SLCO1B1: variants seen among roughly 807,000 people sequenced by gnomAD.
SLCO1B1 encodes the protein solute carrier organic anion transporter family member 1B1.
SLCO1B1 carries 81 observed loss-of-function variants against 70.1 expected under a neutral mutation model. The ratio of observed to expected loss-of-function variants is 1.16; its 90% CI spans 0.97 to 1.39. The LOEUF (loss-of-function observed/expected upper bound fraction) is 1.39. Among genes scored for constraint, SLCO1B1 ranks in the 40% most tolerant of loss-of-function variants. SLCO1B1 has a pLI of 0.00. For synonymous variants in SLCO1B1, 283 were observed against 271.5 expected, an observed-to-expected ratio of 1.04 and a Z score of -0.42; for missense variants, 895 against 799.6, an observed-to-expected ratio of 1.12 and a Z score of -1.44.
intron 12 of SLCO1B1, among the ~76,000 whole-genome samples, chr12:21,217,768 A>T (rs950285404): frequency 1.3e-5 from 2 of 152,204 alleles, no homozygotes; most frequent in African/African-American, 4.8e-5. Context: ...GACTTTTATA[A>T]TACCCTTGTA....
chr12:21,188,533 G>C (rs1446310514), intron 7 of SLCO1B1, among the ~76,000 whole-genome samples: 1 of 152,164 alleles, frequency 6.6e-6, no homozygotes, highest in African/African-American at 2.4e-5. Flanking sequence ...CCAAAGTCAT[G>C]TAGAATTGTA....
intron 2 of SLCO1B1, among the ~76,000 whole-genome samples, chr12:21,151,568 T>C (rs1373061863): frequency 6.6e-6 from 1 of 152,164 alleles, no homozygotes; most frequent in Non-Finnish European, 1.5e-5. Flanking sequence ...AAAGTAATAA[T>C]TTATATTTTA....
At chr12:21,212,828 T>C (rs1157254599) in intron 11 of SLCO1B1, among the ~76,000 whole-genome samples, 1 of 151,548 alleles carries the variant, frequency 6.6e-6, no homozygotes, top group African/African-American at 2.4e-5. Context: ...ATGGCCTTCT[T>C]TGTCTCTTTT....
intron 1 of SLCO1B1, 113 bp from the exon 2 acceptor site, chr12:21,141,401 C>T (rs1940305348): frequency 4.2e-6 from 2 of 480,180 alleles, no homozygotes; most frequent in Non-Finnish European, 7.6e-6. Context: ...ATAGTAGACC[C>T]TGAGTGAATG....
chr12:21,180,177 T>G (rs1661848105), intron 7 of SLCO1B1, among the ~76,000 whole-genome samples: 1 of 152,146 alleles, frequency 6.6e-6, no homozygotes, highest in African/African-American at 2.4e-5. Context: ...TCACCTTACC[T>G]CCAACCCCAC....
intron 14 of SLCO1B1, 63 bp downstream of exon 14, chr12:21,224,902 C>T (rs947489085): frequency 1.2e-6 from 1 of 818,544 alleles, no homozygotes; most frequent in Non-Finnish European, 2.0e-6. Flanking sequence ...TAAAAAATAT[C>T]ATTTTCATTA....
intron 14 of SLCO1B1, among the ~76,000 whole-genome samples, chr12:21,229,904 A>T (rs182605978): frequency 2.0e-5 from 3 of 152,264 alleles, no homozygotes; most frequent in Non-Finnish European, 2.9e-5. Context: ...ACCATGTTGA[A>T]AAACAGTGGT....
intron 8 of SLCO1B1, among the ~76,000 whole-genome samples, chr12:21,198,644 T>C (rs1213580926): frequency 6.6e-6 from 1 of 151,976 alleles, no homozygotes; most frequent in African/African-American, 2.4e-5. Context: ...TAAGAATATA[T>C]AGTCAGAAAA....
intron 2 of SLCO1B1, among the ~76,000 whole-genome samples, chr12:21,159,206 G>C (rs1297600233): frequency 6.6e-6 from 1 of 151,998 alleles, no homozygotes; most frequent in Non-Finnish European, 1.5e-5. Flanking sequence ...TCAATAGAGA[G>C]CCAAAACTGT....
chr12:21,210,544 G>A (rs1221020781), intron 11 of SLCO1B1, among the ~76,000 whole-genome samples: 5 of 135,770 alleles, frequency 3.7e-5, no homozygotes, highest in Admixed American at 7.3e-5. Context: ...TTGGCGATGT[G>A]GGCTCTTTTT....
chr12:21,231,758 G>GC (rs1941541652), intron 14 of SLCO1B1, among the ~76,000 whole-genome samples: 3 of 152,014 alleles, frequency 2.0e-5, no homozygotes, highest in East Asian at 3.9e-4. Context: ...ACGTATATGT[G>GC]TGTCTGTAAA....
Position 21,205,948 on chromosome 12 carries a change from A to C in SLCO1B1, c.1412A>C (p.Glu471Ala). 6.2e-7 allele frequency: 1 copy of C among 1,611,940 alleles called. No homozygotes were observed. Among genetic ancestry groups the C allele is most frequent in the Non-Finnish European group, 8.5e-7 (1 of 1,178,418 alleles). Residue 471 changes from glutamate to alanine, a missense_variant, in exon 11 of 15, where the codon GAA (glutamate) becomes GCA (alanine). By Grantham distance (107) the Glu-to-Ala change is moderately radical. Transcript: ENST00000256958. ...SDCNCDESQW[E>A]PVCGNNGITY... ...TGCAATTGTGATGAAAGTCAATGGG[A>C]ACCAGTCTGTGGAAACAATGGAATA... is the stretch of plus-strand genomic sequence containing the variant.
At chr12:21,142,809 T>C (rs1940330126) in intron 2 of SLCO1B1, among the ~76,000 whole-genome samples, 1 of 152,086 alleles carries the variant, frequency 6.6e-6, no homozygotes, top group Non-Finnish European at 1.5e-5. Flanking sequence ...GACATGTGCA[T>C]AGCAAAATGG....
At chr12:21,139,474 G>GT (rs1242723025) in intron 1 of SLCO1B1, among the ~76,000 whole-genome samples, 1 of 152,088 alleles carries the variant, frequency 6.6e-6, no homozygotes, top group Non-Finnish European at 1.5e-5. Flanking sequence ...TCACATATAT[G>GT]TAAGTGATAA....
intron 14 of SLCO1B1, among the ~76,000 whole-genome samples, chr12:21,230,323 C>CTTTTTTTTTTTTTTTTTTTT (rs745494878): frequency 1.4e-5 from 1 of 70,256 alleles, no homozygotes; most frequent in Non-Finnish European, 2.7e-5. Context: ...CTGTAGTATT[C>CTTTTTTTTTTTTTTTTTTTT]TTTTTTTTTT....
Position 21,215,692 on chromosome 12 carries a change from A to G in SLCO1B1, c.1498-1427A>G, listed in dbSNP as rs555907196. 4.6e-5 allele frequency among the ~76,000 whole-genome samples: 7 copies of G among 152,268 alleles called. No individual in the cohort carries two copies. The South Asian group carries it at 6.2e-4, about 14-fold the overall frequency. On this transcript the variant is annotated intron_variant, in intron 11 of 14. Transcript: ENST00000256958. The stretch of plus-strand genomic sequence containing the variant: ...GTTGTTGTTGTTTTTGTGTCTTGCT[A>G]TATTTTGGTACCAGGATGATTCTGG...
chr12:21,199,487 C>A (rs1565680092), intron 8 of SLCO1B1, among the ~76,000 whole-genome samples: 2 of 152,068 alleles, frequency 1.3e-5, no homozygotes, highest in Admixed American at 6.6e-5. Flanking sequence ...ACAATATTAT[C>A]CCCTGGCTGC....
At chr12:21,147,897 C>T (rs562899560) in intron 2 of SLCO1B1, among the ~76,000 whole-genome samples, 2 of 152,164 alleles carry the variant, frequency 1.3e-5, no homozygotes, top group South Asian at 2.1e-4. Context: ...TTTTAATGAT[C>T]GCTTCCAACT....
intron 14 of SLCO1B1, among the ~76,000 whole-genome samples, chr12:21,227,454 C>T (rs961027807): frequency 5.9e-5 from 9 of 152,042 alleles, no homozygotes; most frequent in Non-Finnish European, 1.0e-4. Context: ...AGACTCTCTT[C>T]CATTTAATGT....
Sources: allele counts gnomAD v4.1 joint callset (sites outside exome capture counted in the v4.1 genomes callset), GRCh38; gene constraint gnomAD v4.1.1; transcripts MANE v1.5; gene names NCBI Gene and HGNC (gene_info 2026-07-23, HGNC 2026-07-21).